The following STARD13 variants were observed in gnomAD, a reference collection of about 807,000 sequenced individuals.
The protein encoded by STARD13 is StAR related lipid transfer domain containing 13.
Under a neutral mutation model 106.4 loss-of-function variants are expected in STARD13, and 62 were observed. That is an observed-to-expected ratio of 0.58 (90% confidence interval 0.48 to 0.72). STARD13 has a LOEUF of 0.72. Among genes scored for constraint, STARD13 ranks in the 30% least tolerant of loss-of-function variants. The pLI, the probability that STARD13 is intolerant of heterozygous loss-of-function variation, is 0.00. For synonymous variants in STARD13, 565 were observed against 553.0 expected (o/e 1.02, Z -0.31); for missense variants, 1,387 against 1,424.0 (o/e 0.97, Z 0.42).
chr13:33,340,569 T>A (rs1050197691), intron 1 of STARD13, among the ~76,000 whole-genome samples: 22 of 152,350 alleles, frequency 1.4e-4, no homozygotes, highest in East Asian at 3.9e-4. Context: ...GTCTCTCTTG[T>A]TCATTGAATT....
downstream of STARD13, among the ~76,000 whole-genome samples, chr13:33,343,775 C>T (rs2077989794): frequency 6.6e-6 from 1 of 151,608 alleles, no homozygotes; most frequent in South Asian, 2.1e-4. Context: ...TTATTCAGGT[C>T]TTGTCACTCC....
chr13:33,567,771 T>C, the STARD13 span, among the ~76,000 whole-genome samples: 2 of 147,926 alleles, frequency 1.4e-5, no homozygotes, highest in African/African-American at 5.0e-5. Context: ...TCAGTATACT[T>C]ATTGAAACAC....
chr13:33,215,182 A>G (rs1887970588), intron 1 of STARD13, among the ~76,000 whole-genome samples: 1 of 149,976 alleles, frequency 6.7e-6, no homozygotes, highest in African/African-American at 2.5e-5. Context: ...GACTGGTGGG[A>G]TCTTGCTTTC....
At chr13:33,367,426 T>G in the STARD13 span, among the ~76,000 whole-genome samples, 2 of 152,308 alleles carry the variant, frequency 1.3e-5, no homozygotes, top group African/African-American at 2.4e-5. Flanking sequence ...GTCTGTGATA[T>G]CTGCGATTCA....
chr13:33,535,762 G>C, the STARD13 span, among the ~76,000 whole-genome samples: 1 of 152,136 alleles, frequency 6.6e-6, no homozygotes, highest in Non-Finnish European at 1.5e-5. Context: ...TTGGTGTTTT[G>C]GGGATAAAGG....
chr13:33,173,842 A>C (rs1161685950), intron 1 of STARD13, among the ~76,000 whole-genome samples: 1 of 152,196 alleles, frequency 6.6e-6, no homozygotes, highest in Non-Finnish European at 1.5e-5. Context: ...CAATAGGAAG[A>C]GGAAACCTGG....
intron 7 of STARD13, among the ~76,000 whole-genome samples, chr13:33,119,161 T>C (rs1368946486): frequency 6.6e-6 from 1 of 152,154 alleles, no homozygotes; most frequent in Non-Finnish European, 1.5e-5. Context: ...TAGAGGAACT[T>C]TCTGTGCTGG....
chr13:33,308,202 T>C (rs1269075203), intron 1 of STARD13, among the ~76,000 whole-genome samples: 1 of 152,236 alleles, frequency 6.6e-6, no homozygotes, highest in Non-Finnish European at 1.5e-5. Flanking sequence ...TTTTAGAATG[T>C]CTGTTTCCCA....
chr13:33,663,087 C>CT, the STARD13 span, among the ~76,000 whole-genome samples: 1 of 151,898 alleles, frequency 6.6e-6, no homozygotes, highest in Non-Finnish European at 1.5e-5. Context: ...ATATTACTTT[C>CT]TTTTTTTTGG....
At chr13:33,119,335 G>T (rs954643421) in intron 7 of STARD13, among the ~76,000 whole-genome samples, 9 of 152,120 alleles carry the variant, frequency 5.9e-5, no homozygotes, top group Non-Finnish European at 1.3e-4. Flanking sequence ...GCCCACTTCT[G>T]CAAAGCAAGG....
chr13:33,282,790 G>T lies in STARD13; in HGVS notation c.169+2680C>A, dbSNP rs1594215097. On this transcript the variant is annotated intron_variant, in intron 1 of 13. Coordinates refer to ENST00000336934, the MANE Select transcript of STARD13 (RefSeq NM_178006.4). ...ATTTGTAATCCCCGCACTTTGTGAG[G>T]CTGAGGTAGGAAGATCACTTGAGCC... Among the ~76,000 whole-genome samples the T allele has an allele frequency of 3.9e-5, 6 of 152,258 alleles. 1 individual carries two copies. Among genetic ancestry groups the T allele is most frequent in the Admixed American group, 3.9e-4 (6 of 15,286 alleles).
the STARD13 span, among the ~76,000 whole-genome samples, chr13:33,563,040 T>C: frequency 6.8e-6 from 1 of 146,806 alleles, no homozygotes; most frequent in African/African-American, 2.5e-5. Context: ...GAATCAAAGA[T>C]GTGAAAGATC....
the STARD13 span, among the ~76,000 whole-genome samples, chr13:33,488,975 T>G: frequency 6.6e-6 from 1 of 152,190 alleles, no homozygotes; most frequent in Non-Finnish European, 1.5e-5. Flanking sequence ...TTCATTACAC[T>G]CAAGTTGAAC....
chr13:33,488,127 A>G, the STARD13 span, among the ~76,000 whole-genome samples: 3 of 152,012 alleles, frequency 2.0e-5, no homozygotes, highest in Non-Finnish European at 4.4e-5. Flanking sequence ...CCTTAAGTGT[A>G]CATATTCCCT....
intron 12 of STARD13, among the ~76,000 whole-genome samples, chr13:33,108,541 T>C (rs1274211639): frequency 1.3e-5 from 2 of 152,232 alleles, no homozygotes; most frequent in African/African-American, 4.8e-5. Flanking sequence ...TTATTTTTTA[T>C]GGACTTTCCC....
intron 1 of STARD13, chr13:33,271,307 G>C (rs1306754400): frequency 6.6e-6 from 1 of 152,258 alleles, no homozygotes; most frequent in Non-Finnish European, 1.5e-5. Context: ...CAGATCCACT[G>C]TCTAGAGAAC....
chr13:33,278,524 G>C (rs1891577115), intron 1 of STARD13: 3 of 151,740 alleles, frequency 2.0e-5, no homozygotes, highest in Admixed American at 2.0e-4. Flanking sequence ...ACTCACTACT[G>C]AATTCACAGC....
the STARD13 span, among the ~76,000 whole-genome samples, chr13:33,487,966 T>C: frequency 2.6e-5 from 4 of 152,164 alleles, no homozygotes; most frequent in African/African-American, 9.7e-5. Flanking sequence ...TCAGTGCTGG[T>C]CTTCCAGGGC....
chr13:33,513,971 T>C, the STARD13 span, among the ~76,000 whole-genome samples: 1 of 152,130 alleles, frequency 6.6e-6, no homozygotes, highest in African/African-American at 2.4e-5. Context: ...GAGAAAAATA[T>C]TTTAACCTCT....
Sources: allele counts gnomAD v4.1 joint callset (sites outside exome capture counted in the v4.1 genomes callset), GRCh38; gene constraint gnomAD v4.1.1; transcripts MANE v1.5; gene names NCBI Gene and HGNC (gene_info 2026-07-23, HGNC 2026-07-21).